AGPS: variants seen among roughly 807,000 people sequenced by gnomAD.
AGPS encodes the protein alkyldihydroxyacetonephosphate synthase, peroxisomal.
Under a neutral mutation model 90.7 loss-of-function variants are expected in AGPS, and 26 were observed. The observed-to-expected ratio is 0.29, with a 90% CI of 0.21 to 0.40. AGPS has a LOEUF of 0.40. Among genes scored for constraint, AGPS ranks in the 10% least tolerant of loss-of-function variants. The probability of loss-of-function intolerance (pLI) is 1.00; values close to 1 mark genes in which losing one functional copy is unlikely to be tolerated. For synonymous variants in AGPS, 294 were observed against 285.3 expected (o/e 1.03, Z -0.31); for missense variants, 540 against 816.1 (o/e 0.66, Z 4.12).
chr2:177,502,439 G>C (rs1432592980), intron 14 of AGPS, among the ~76,000 whole-genome samples: 1 of 118,574 alleles, frequency 8.4e-6, no homozygotes, highest in Non-Finnish European at 1.6e-5. Context: ...TTGAGACAAT[G>C]TCTTGCTCTG....
intron 2 of AGPS, among the ~76,000 whole-genome samples, chr2:177,431,813 T>C (rs1360515277): frequency 6.6e-6 from 1 of 152,200 alleles, no homozygotes; most frequent in African/African-American, 2.4e-5. Flanking sequence ...GGTGCTCTGA[T>C]TTCATATTGT....
At chr2:177,514,786 G>A (rs1688977936) in intron 17 of AGPS, among the ~76,000 whole-genome samples, 2 of 151,928 alleles carry the variant, frequency 1.3e-5, no homozygotes, top group East Asian at 1.9e-4. Flanking sequence ...CTTCTGCAAG[G>A]TAAGAAAGTA....
intron 1 of AGPS, among the ~76,000 whole-genome samples, chr2:177,404,547 C>G (rs1574341083): frequency 6.6e-6 from 1 of 152,278 alleles, no homozygotes; most frequent in South Asian, 2.1e-4. Context: ...TACCATCCAC[C>G]TAGATTCTAC....
chr2:177,513,373 G>A (rs1688935346), intron 16 of AGPS, among the ~76,000 whole-genome samples: 1 of 152,204 alleles, frequency 6.6e-6, no homozygotes, highest in East Asian at 1.9e-4. Flanking sequence ...GATAACAGGT[G>A]TGAGCCATGC....
chr2:177,508,638 C>T (rs1365817399), intron 16 of AGPS, among the ~76,000 whole-genome samples: 1 of 152,012 alleles, frequency 6.6e-6, no homozygotes, highest in Non-Finnish European at 1.5e-5. Flanking sequence ...TGGTTAGTGA[C>T]TTAATAAAAA....
intron 19 of AGPS, among the ~76,000 whole-genome samples, chr2:177,525,363 CGTTT>C (rs2079073802): frequency 6.6e-6 from 1 of 151,960 alleles, no homozygotes; most frequent in African/African-American, 2.4e-5. Context: ...ATGAATTATT[CGTTT>C]GTTTTTTGTC....
chr2:177,442,975 G>A (rs1044670200), intron 7 of AGPS, among the ~76,000 whole-genome samples: 2 of 151,520 alleles, frequency 1.3e-5, no homozygotes, highest in African/African-American at 4.9e-5. Flanking sequence ...TACCAAATTT[G>A]AATTTTTTTT....
intron 15 of AGPS, among the ~76,000 whole-genome samples, chr2:177,507,415 G>C (rs570479525): frequency 6.6e-6 from 1 of 151,886 alleles, no homozygotes. Context: ...AAATATTTTC[G>C]TAGTAGAAGT....
At chr2:177,537,610 C>A (rs955538832) in intron 19 of AGPS, among the ~76,000 whole-genome samples, 4 of 151,944 alleles carry the variant, frequency 2.6e-5, no homozygotes, top group Non-Finnish European at 5.9e-5. Flanking sequence ...TATTTGAAGC[C>A]TTTATGTTCG....
chr2:177,418,838 C>T (rs1448048527), intron 1 of AGPS, among the ~76,000 whole-genome samples: 1 of 151,652 alleles, frequency 6.6e-6, no homozygotes, highest in Non-Finnish European at 1.5e-5. Flanking sequence ...GTGTGTGTCA[C>T]TGGTAACATT....
At chr2:177,400,123 G>C (rs1464312523) in intron 1 of AGPS, among the ~76,000 whole-genome samples, 1 of 152,160 alleles carries the variant, frequency 6.6e-6, no homozygotes, top group Non-Finnish European at 1.5e-5. Flanking sequence ...AATTAAAATA[G>C]TGTTTAAGAA....
At chr2:177,416,074 A>G (rs1685776581) in intron 1 of AGPS, among the ~76,000 whole-genome samples, 1 of 152,216 alleles carries the variant, frequency 6.6e-6, no homozygotes, top group African/African-American at 2.4e-5. Context: ...GAAAAATATT[A>G]TGACTATTAT....
At chr2:177,441,190 C>A in intron 6 of AGPS, 154 bp downstream of exon 6, 2 of 678,356 alleles carry the variant, frequency 2.9e-6, no homozygotes, top group Non-Finnish European at 5.1e-6. Context: ...CATTTTTGTT[C>A]TAAGTAGGAT....
chr2:177,482,581 T>G (rs989885719), intron 11 of AGPS, among the ~76,000 whole-genome samples: 5 of 152,088 alleles, frequency 3.3e-5, no homozygotes, highest in African/African-American at 7.2e-5. Flanking sequence ...GAGACATTTA[T>G]TGAAATTAAA....
chr2:177,462,119 G>A lies in AGPS; in HGVS notation c.996+101G>A, dbSNP rs1979058. On this transcript the variant is annotated intron_variant, in intron 9 of 19. Transcript: ENST00000264167. ...AAAATTAAGAGTTGGGCCTGGGCGCGGTGGCCAATGCCTGTAATCCCAGCA... is the reference window on the plus strand; with the variant it reads ...AAAATTAAGAGTTGGGCCTGGGCGCAGTGGCCAATGCCTGTAATCCCAGCA... The A allele has an allele frequency of 0.72, 798,878 of 1,115,522 alleles. 289,744 individuals carry two copies. Among genetic ancestry groups the A allele is most frequent in the Admixed American group, 0.79 (34,456 of 43,692 alleles). The allele number at this position is 1,115,522 out of a possible 1,614,324, so 69.1% of individuals were successfully genotyped here.
intron 6 of AGPS, chr2:177,441,364 A>T: frequency 3.9e-6 from 1 of 257,268 alleles, no homozygotes; most frequent in Non-Finnish European, 7.5e-6. Flanking sequence ...TCAAAAGCTA[A>T]ATATAAATAT....
chr2:177,434,366 A>G lies in AGPS; in HGVS notation c.390A>G (p.Glu130=). 1 of 1,613,338 alleles carries G rather than the reference A, an allele frequency of 6.2e-7. No homozygotes were observed. Among genetic ancestry groups the G allele is most frequent in the Non-Finnish European group, 8.5e-7 (1 of 1,179,554 alleles). The change falls in exon 3 of 20, where the codon GAA becomes GAG. Residue 130 remains glutamate, a synonymous_variant. Coordinates refer to ENST00000264167, the MANE Select transcript of AGPS (RefSeq NM_003659.4). ...LSGMGLPTFK[E]WIQNTLGVNV... is the part of the protein sequence containing the mutation. Reference sequence around the variant, plus strand: ...GCATGGGTTTACCAACATTTAAAGAATGGATCCAAAATACCCTTGGAGTAA... The same window carrying G: ...GCATGGGTTTACCAACATTTAAAGAGTGGATCCAAAATACCCTTGGAGTAA...
At position 177,409,217 on chromosome 2, in the gene AGPS, T is replaced by G. The variant is rs1015554908; in HGVS notation, c.261-11052T>G. ...TAAAACAAACCAAAAAAAACCCAAC[T>G]ACTGTTTTGTTTTGTTTTTTTTTCT... is the stretch of plus-strand genomic sequence containing the variant. On this transcript the variant is annotated intron_variant, in intron 1 of 19. Transcript: ENST00000264167. Among the ~76,000 whole-genome samples the G allele has an allele frequency of 7.2e-5, 10 of 139,714 alleles. No homozygotes were observed. The East Asian group carries it at 2.1e-3, about 29-fold the overall frequency. 91.7% of individuals were successfully genotyped at this position (139,714 alleles called of 152,430 possible). A position where few individuals can be genotyped will look rare whatever the true frequency, so the allele number is the denominator to read the frequency against.
intron 1 of AGPS, among the ~76,000 whole-genome samples, chr2:177,408,651 C>A (rs550312855): frequency 1.3e-5 from 2 of 152,152 alleles, no homozygotes; most frequent in Non-Finnish European, 2.9e-5. Flanking sequence ...TGTTTTCTTG[C>A]GGAATTCTAC....
Sources: allele counts gnomAD v4.1 joint callset (sites outside exome capture counted in the v4.1 genomes callset), GRCh38; gene constraint gnomAD v4.1.1; transcripts MANE v1.5; gene names NCBI Gene and HGNC (gene_info 2026-07-23, HGNC 2026-07-21).